The following CCSER2 variants were observed in gnomAD, a reference collection of about 807,000 sequenced individuals.
CCSER2 encodes the protein serine-rich coiled-coil domain-containing protein 2.
A neutral mutation model predicts 92.3 loss-of-function variants in CCSER2; 46 were observed. The observed-to-expected ratio is 0.50, with a 90% CI of 0.39 to 0.64. The LOEUF is 0.64. Ranked by LOEUF, CCSER2 falls within the 30% of genes least tolerant of loss-of-function variation. CCSER2 has a pLI of 0.00. For missense variants in CCSER2, 1,244 were observed against 1,238.9 expected (o/e 1.00, Z -0.06); for synonymous variants, 433 against 431.4 (o/e 1.00, Z -0.04).
At chr10:84,451,960 C>G (rs1031202539) in intron 6 of CCSER2, among the ~76,000 whole-genome samples, 9 of 152,028 alleles carry the variant, frequency 5.9e-5, no homozygotes, top group African/African-American at 1.9e-4. Context: ...CAGTATTACT[C>G]AAAAATTATT....
chr10:84,371,425 G>A lies in CCSER2; in HGVS notation c.373G>A (p.Ala125Thr), dbSNP rs1233465446. 1.2e-6 allele frequency: 2 copies of A among 1,613,424 alleles called. No homozygotes were observed. Among genetic ancestry groups the A allele is most frequent in the Non-Finnish European group, 1.7e-6 (2 of 1,179,768 alleles). ...TGTTTCTTTATTCACATCAAAGTTAGCAAAGCCATCCACTATGTTTGTGTC... is the reference window on the plus strand; with the variant it reads ...TGTTTCTTTATTCACATCAAAGTTAACAAAGCCATCCACTATGTTTGTGTC... ...KSVSLFTSKL[A>T]KPSTMFVSST... Residue 125 changes from alanine to threonine, a missense_variant, in exon 2 of 10, where the codon GCA becomes ACA. Ala to Thr is a moderately conservative substitution (Grantham distance 58). Transcript: ENST00000372088.
intron 1 of CCSER2, among the ~76,000 whole-genome samples, chr10:84,368,777 C>T (rs926093345): frequency 7.9e-5 from 12 of 151,964 alleles, no homozygotes; most frequent in African/African-American, 2.7e-4. Context: ...ACGTGCCACC[C>T]GAATAGTATA....
intron 3 of CCSER2, among the ~76,000 whole-genome samples, chr10:84,396,262 G>A (rs1025408131): frequency 3.2e-4 from 47 of 149,054 alleles, no homozygotes; most frequent in African/African-American, 1.2e-3. Flanking sequence ...TATAGATATA[G>A]TATATATAGT....
intron 8 of CCSER2, among the ~76,000 whole-genome samples, chr10:84,474,871 G>A (rs1847044019): frequency 6.6e-6 from 1 of 152,078 alleles, no homozygotes; most frequent in Admixed American, 6.5e-5. Context: ...CTAACTAAAA[G>A]TGATTTTAAA....
chr10:84,479,364 GCA>G (rs1847330178), intron 9 of CCSER2, among the ~76,000 whole-genome samples: 1 of 152,152 alleles, frequency 6.6e-6, no homozygotes, highest in Non-Finnish European at 1.5e-5. Context: ...TTCCCCAAAA[GCA>G]CATTGAAGAG....
chr10:84,404,499 G>C (rs1842278391), intron 3 of CCSER2, among the ~76,000 whole-genome samples: 1 of 152,168 alleles, frequency 6.6e-6, no homozygotes, highest in African/African-American at 2.4e-5. Flanking sequence ...TGGAGCTCAA[G>C]CTGCTTGATT....
chr10:84,495,466 A>G (rs2131819840), intron 9 of CCSER2, among the ~76,000 whole-genome samples: 1 of 152,284 alleles, frequency 6.6e-6, no homozygotes. Context: ...AGCATTGACT[A>G]GGTGCTGTTG....
In CCSER2 at chr10:84,512,397, A is replaced by T. The variant is rs11201081; in HGVS notation, c.2326-1052A>T. On this transcript the variant is annotated intron_variant, in intron 9 of 9. Coordinates refer to ENST00000372088, the MANE Select transcript of CCSER2 (RefSeq NM_001284240.2). ...GTGTGTGTGTGTGTGTGTGTGTGTG[A>T]GAGAGAGAGAGAGAGAGAGGAGAGA... 4.1e-3 allele frequency among the ~76,000 whole-genome samples: 541 copies of T among 132,910 alleles called. 3 individuals carry two copies. The highest frequency in any genetic ancestry group is 0.014 in the African/African-American group (475 of 34,378). The allele number at this position is 132,910 out of a possible 152,430, so 87.2% of individuals were successfully genotyped here.
intron 3 of CCSER2, among the ~76,000 whole-genome samples, chr10:84,387,828 A>G (rs1441849403): frequency 6.6e-6 from 1 of 150,652 alleles, no homozygotes; most frequent in African/African-American, 2.5e-5. Flanking sequence ...GCGCCCGGCC[A>G]CACTGAAGTA....
At chr10:84,333,969 A>C (rs1843705447) in intron 1 of CCSER2, among the ~76,000 whole-genome samples, 1 of 152,226 alleles carries the variant, frequency 6.6e-6, no homozygotes, top group African/African-American at 2.4e-5. Flanking sequence ...GAGTGAATAT[A>C]GGATGAAATA....
chr10:84,338,397 CT>C (rs1295845120), intron 1 of CCSER2, among the ~76,000 whole-genome samples: 1 of 151,508 alleles, frequency 6.6e-6, no homozygotes, highest in Non-Finnish European at 1.5e-5. Context: ...TTCCAGCTTA[CT>C]TTTTTTTCTT....
intron 1 of CCSER2, among the ~76,000 whole-genome samples, chr10:84,365,751 T>C (rs1030175740): frequency 2.9e-4 from 44 of 152,168 alleles, no homozygotes; most frequent in Admixed American, 2.8e-3. Context: ...AATAGAGGCA[T>C]AGAGAAAGGA....
chr10:84,339,149 C>T (rs755539841), intron 1 of CCSER2, among the ~76,000 whole-genome samples: 34 of 148,456 alleles, frequency 2.3e-4, no homozygotes, highest in South Asian at 2.1e-4. Context: ...TGTTTACCTA[C>T]CTTTTGCCTG....
At chr10:84,366,036 A>T (rs1845758873) in intron 1 of CCSER2, among the ~76,000 whole-genome samples, 1 of 152,180 alleles carries the variant, frequency 6.6e-6, no homozygotes, top group South Asian at 2.1e-4. Flanking sequence ...CCTGGCAAAC[A>T]TTGCTGCTTG....
At chr10:84,485,407 C>T (rs1211728552) in intron 9 of CCSER2, among the ~76,000 whole-genome samples, 1 of 152,174 alleles carries the variant, frequency 6.6e-6, no homozygotes, top group Non-Finnish European at 1.5e-5. Context: ...CTCTGGTAAC[C>T]ACTAAAACTG....
At chr10:84,469,740 T>G (rs1258235123) in intron 7 of CCSER2, among the ~76,000 whole-genome samples, 1 of 152,148 alleles carries the variant, frequency 6.6e-6, no homozygotes, top group African/African-American at 2.4e-5. Context: ...AGGTTTCCAT[T>G]TAATAGTACT....
chr10:84,499,333 A>G (rs1360349341), intron 9 of CCSER2, among the ~76,000 whole-genome samples: 5 of 151,958 alleles, frequency 3.3e-5, no homozygotes, highest in African/African-American at 1.2e-4. Context: ...ACAGGGTTTC[A>G]CCATTTTGGC....
chr10:84,348,017 C>G (rs1336727852), intron 1 of CCSER2, among the ~76,000 whole-genome samples: 6 of 152,112 alleles, frequency 3.9e-5, no homozygotes, highest in Admixed American at 1.3e-4. Context: ...GATGGGCGGC[C>G]AGGCAGAGAC....
intron 9 of CCSER2, among the ~76,000 whole-genome samples, chr10:84,481,315 T>C (rs1158457756): frequency 2.6e-5 from 4 of 152,114 alleles, no homozygotes; most frequent in Non-Finnish European, 5.9e-5. Context: ...CTGAAAACCA[T>C]TTTATCATGC....
Sources: allele counts gnomAD v4.1 joint callset (sites outside exome capture counted in the v4.1 genomes callset), GRCh38; gene constraint gnomAD v4.1.1; transcripts MANE v1.5; gene names NCBI Gene and HGNC (gene_info 2026-07-23, HGNC 2026-07-21).